The following PDE1A variants were observed in gnomAD, a reference collection of about 807,000 sequenced individuals.
PDE1A encodes the protein dual specificity calcium/calmodulin-dependent 3',5'-cyclic nucleotide phosphodiesterase 1A.
In PDE1A, 35 loss-of-function variants were observed where a neutral mutation model predicts 61.7. The ratio of observed to expected loss-of-function variants is 0.57; its 90% CI spans 0.43 to 0.75. PDE1A has a LOEUF of 0.75. Among genes scored for constraint, PDE1A ranks in the 30% least tolerant of loss-of-function variants. PDE1A has a pLI of 0.00. For missense variants in PDE1A, 597 were observed against 630.6 expected (o/e 0.95, Z 0.57); for synonymous variants, 232 against 213.2 (o/e 1.09, Z -0.77).
chr2:182,262,177 C>T (rs888295269), intron 2 of PDE1A, among the ~76,000 whole-genome samples: 13 of 149,530 alleles, frequency 8.7e-5, no homozygotes, highest in Non-Finnish European at 1.6e-4. Flanking sequence ...CTTTCTTTCC[C>T]TTTCTTTCCT....
the PDE1A span, among the ~76,000 whole-genome samples, chr2:182,554,198 C>A: frequency 6.6e-6 from 1 of 152,186 alleles, no homozygotes; most frequent in Non-Finnish European, 1.5e-5. Context: ...ATTTAACCTA[C>A]AATTCAAAGA....
the PDE1A span, among the ~76,000 whole-genome samples, chr2:182,704,517 T>A: frequency 6.6e-6 from 1 of 152,238 alleles, no homozygotes; most frequent in Non-Finnish European, 1.5e-5. Context: ...AGTAAGAATT[T>A]TCTTTGTAAT....
chr2:182,291,849 A>C (rs1559302155), intron 1 of PDE1A, among the ~76,000 whole-genome samples: 1 of 152,266 alleles, frequency 6.6e-6, no homozygotes, highest in East Asian at 1.9e-4. Flanking sequence ...TGACATTCAA[A>C]GAAAATTTTT....
chr2:182,201,727 T>C, exon 9 of PDE1A: 1 of 1,612,130 alleles, frequency 6.2e-7, no homozygotes, highest in Non-Finnish European at 8.5e-7. Context: ...ATTTTTAATT[T>C]GCTGGAAGTG....
intron 7 of PDE1A, among the ~76,000 whole-genome samples, chr2:182,218,259 G>A (rs1195062358): frequency 1.5e-5 from 2 of 134,768 alleles, no homozygotes; most frequent in Non-Finnish European, 1.6e-5. Flanking sequence ...TCACACTCTG[G>A]GGACTGTTGT....
chr2:182,412,547 C>G (rs1292283016), intron 1 of PDE1A, among the ~76,000 whole-genome samples: 3 of 152,130 alleles, frequency 2.0e-5, no homozygotes, highest in Non-Finnish European at 2.9e-5. Context: ...GTAGTGGATG[C>G]TCAATGGTTA....
chr2:182,619,362 G>A, the PDE1A span, among the ~76,000 whole-genome samples: 1 of 152,062 alleles, frequency 6.6e-6, no homozygotes, highest in African/African-American at 2.4e-5. Flanking sequence ...CAGAAGATGA[G>A]GAAAGAGCAA....
the PDE1A span, among the ~76,000 whole-genome samples, chr2:182,704,131 A>C: frequency 6.6e-6 from 1 of 150,408 alleles, no homozygotes; most frequent in Non-Finnish European, 1.5e-5. Flanking sequence ...GAATTGCTCG[A>C]ATCCGGGGGG....
intron 1 of PDE1A, among the ~76,000 whole-genome samples, chr2:182,299,554 A>G (rs1282650934): frequency 6.6e-6 from 1 of 150,562 alleles, no homozygotes; most frequent in African/African-American, 2.5e-5. Flanking sequence ...TTAACTCACC[A>G]TTCTGGACCT....
At chr2:182,236,681 T>A (rs1205878581) in intron 3 of PDE1A, among the ~76,000 whole-genome samples, 21 of 152,136 alleles carry the variant, frequency 1.4e-4, no homozygotes, top group Non-Finnish European at 1.5e-5. Context: ...AGCCATCATT[T>A]TTATTATTAT....
the PDE1A span, among the ~76,000 whole-genome samples, chr2:182,605,214 G>A: frequency 1.3e-5 from 2 of 152,142 alleles, no homozygotes; most frequent in Non-Finnish European, 2.9e-5. Flanking sequence ...AATGCAGAAG[G>A]TGACCTCAAG....
At chr2:182,596,751 G>A in the PDE1A span, among the ~76,000 whole-genome samples, 1 of 152,016 alleles carries the variant, frequency 6.6e-6, no homozygotes, top group African/African-American at 2.4e-5. Flanking sequence ...AGGACAAAGA[G>A]AGTAAGGCAA....
intron 2 of PDE1A, among the ~76,000 whole-genome samples, chr2:182,499,050 C>T (rs1359222537): frequency 6.6e-6 from 1 of 151,598 alleles, no homozygotes; most frequent in African/African-American, 2.4e-5. Context: ...TGCAACGGTG[C>T]AATCTCAGCT....
chr2:182,373,126 C>G (rs1700208840), intron 1 of PDE1A, among the ~76,000 whole-genome samples: 1 of 152,198 alleles, frequency 6.6e-6, no homozygotes, highest in Admixed American at 6.5e-5. Context: ...AAAAATACAT[C>G]ACAGGGGCTT....
the PDE1A span, among the ~76,000 whole-genome samples, chr2:182,564,656 T>C: frequency 2.0e-5 from 3 of 152,330 alleles, no homozygotes; most frequent in Admixed American, 2.0e-4. Flanking sequence ...GTTTTCCAAC[T>C]TGGTTCCATT....
intron 2 of PDE1A, among the ~76,000 whole-genome samples, chr2:182,511,937 C>T (rs1044013778): frequency 6.6e-6 from 1 of 152,172 alleles, no homozygotes; most frequent in African/African-American, 2.4e-5. Flanking sequence ...AACACATGTT[C>T]ACAAATGTGT....
intron 2 of PDE1A, among the ~76,000 whole-genome samples, chr2:182,476,401 G>C (rs560199271): frequency 1.9e-4 from 29 of 152,056 alleles, no homozygotes; most frequent in African/African-American, 6.7e-4. Flanking sequence ...TGAGGCAGGA[G>C]AATCACTTGA....
At chr2:182,328,369 G>T (rs567108675) in intron 1 of PDE1A, among the ~76,000 whole-genome samples, 15 of 152,178 alleles carry the variant, frequency 9.9e-5, no homozygotes, top group Non-Finnish European at 2.2e-4. Context: ...TTTGGGTTTT[G>T]CCAGAAGAAT....
At chr2:182,503,653 GTCTT>G (rs1166210207) in intron 2 of PDE1A, among the ~76,000 whole-genome samples, 4 of 152,080 alleles carry the variant, frequency 2.6e-5, no homozygotes, top group African/African-American at 4.8e-5. Context: ...CTTCATTAAG[GTCTT>G]TCTTCACAAG....
Sources: gnomAD v4.1 joint callset for allele counts (sites outside exome capture counted in the v4.1 genomes callset) on GRCh38, gnomAD v4.1.1 for gene constraint, MANE v1.5 for transcripts, NCBI Gene and HGNC (gene_info 2026-07-23, HGNC 2026-07-21) for gene names.